PNLIP: variants seen among roughly 807,000 people sequenced by gnomAD.
PNLIP encodes pancreatic triacylglycerol lipase.
A neutral mutation model predicts 57.1 loss-of-function variants in PNLIP; 49 were observed. The ratio of observed to expected loss-of-function variants is 0.86; its 90% confidence interval spans 0.68 to 1.09. PNLIP has a LOEUF of 1.09. Ranked by LOEUF, PNLIP falls within the 50% of genes least tolerant of loss-of-function variation. PNLIP has a pLI of 0.00. For synonymous variants in PNLIP, 209 were observed against 200.4 expected (o/e 1.04, Z -0.36); for missense variants, 503 against 570.2 (o/e 0.88, Z 1.20).
At chr10:116,566,014 G>A (rs576240442) in intron 12 of PNLIP, among the ~76,000 whole-genome samples, 1 of 152,242 alleles carries the variant, frequency 6.6e-6, no homozygotes, top group South Asian at 2.1e-4. Context: ...TCGTCATGTT[G>A]GCCAGGCTGG....
intron 3 of PNLIP, 36 bp from the exon 4 acceptor site, chr10:116,548,324 A>G (rs578159581): frequency 6.2e-7 from 1 of 1,609,570 alleles, no homozygotes; most frequent in East Asian, 2.2e-5. Context: ...TGGCTACTAT[A>G]GGAAACTGAC....
chr10:116,551,290 C>A (rs1847189324), intron 5 of PNLIP, 58 bp downstream of exon 5: 318 of 543,060 alleles, frequency 5.9e-4, no homozygotes, highest in South Asian at 2.1e-3. Flanking sequence ...ATTATCTTTC[C>A]AAAAAAAAAA....
intron 5 of PNLIP, among the ~76,000 whole-genome samples, chr10:116,552,802 C>T (rs922085844): frequency 2.6e-5 from 4 of 151,998 alleles, no homozygotes; most frequent in African/African-American, 4.8e-5. Context: ...AGGAGAATGG[C>T]GTGAACCCGG....
chr10:116,548,426 A>C lies in PNLIP; in HGVS notation c.268A>C (p.Ile90Leu). ...CAAAACAAATAGAAAAACTCGCTTT[A>C]TTATTCATGGATTCATAGACAAGGG... is the stretch of plus-strand genomic sequence containing the variant. ...NFKTNRKTRF[I>L]IHGFIDKGEE... Residue 90 changes from isoleucine (I) to leucine (L), a missense_variant, in exon 4 of 13, where the codon ATT becomes CTT. Coordinates refer to ENST00000369221, the MANE Select transcript of PNLIP (RefSeq NM_000936.4). The C allele has an allele frequency of 6.2e-7, 1 of 1,614,120 alleles. No homozygotes were observed. Among genetic ancestry groups the C allele is most frequent in the South Asian group, 1.1e-5 (1 of 91,078 alleles).
At chr10:116,567,639 C>T in intron 12 of PNLIP, 96 bp from the exon 13 acceptor site, 6 of 991,350 alleles carry the variant, frequency 6.1e-6, no homozygotes, top group Non-Finnish European at 9.6e-6. Context: ...GCCCTTCCCT[C>T]AGACTAGGAG....
At chr10:116,560,550 C>CTT (rs753235094) in intron 11 of PNLIP, 26 bp downstream of exon 11, 7,284 of 502,552 alleles carry the variant, frequency 0.014, 3 homozygotes, top group South Asian at 0.035. Context: ...TTGCTCTATG[C>CTT]TTTTTTTTTT....
chr10:116,559,065 GA>G, intron 9 of PNLIP, 88 bp from the exon 10 acceptor site: 2 of 1,502,986 alleles, frequency 1.3e-6, no homozygotes, highest in Non-Finnish European at 1.8e-6. Context: ...ACTGGCTTTA[GA>G]ATATTTGAAT....
At chr10:116,551,714 C>T (rs563682914) in intron 5 of PNLIP, among the ~76,000 whole-genome samples, 2 of 152,330 alleles carry the variant, frequency 1.3e-5, no homozygotes, top group African/African-American at 4.8e-5. Context: ...TGGATAACAA[C>T]TCTTCATGTT....
At position 116,555,223 on chromosome 10, in the gene PNLIP, T is replaced by A; in HGVS notation, c.617T>A (p.Val206Asp). 6.2e-7 allele frequency: 1 copy of A among 1,614,166 alleles called. No individual in the cohort carries two copies. Among genetic ancestry groups the A allele is most frequent in the South Asian group, 1.1e-5 (1 of 91,076 alleles). ...EPCFQGTPELVRLDPSDAKFV... is the reference protein window; with the variant it reads ...EPCFQGTPELDRLDPSDAKFV... ...TGCTTTCAGGGCACACCTGAATTAGTCCGATTGGACCCCAGCGATGCCAAA... is the reference window on the plus strand; with the variant it reads ...TGCTTTCAGGGCACACCTGAATTAGACCGATTGGACCCCAGCGATGCCAAA... Residue 206 changes from valine (V) to aspartate (D), a missense_variant, in exon 7 of 13, where the codon GTC becomes GAC. Val to Asp is a radical substitution (Grantham distance 152). Transcript: ENST00000369221.
intron 6 of PNLIP, among the ~76,000 whole-genome samples, chr10:116,554,463 A>T (rs555069540): frequency 5.9e-5 from 9 of 152,304 alleles, no homozygotes; most frequent in African/African-American, 1.9e-4. Flanking sequence ...AACGAATAGT[A>T]TTTTACAAAC....
chr10:116,548,570 G>T, intron 4 of PNLIP, 88 bp downstream of exon 4: 1 of 1,392,830 alleles, frequency 7.2e-7, no homozygotes. Context: ...AATGAGGACA[G>T]TGCTTGGAGG....
chr10:116,566,005 C>T (rs1003810364), intron 12 of PNLIP, among the ~76,000 whole-genome samples: 20 of 152,258 alleles, frequency 1.3e-4, no homozygotes, highest in African/African-American at 4.3e-4. Context: ...GACTGGTTTT[C>T]GTCATGTTGG....
rs768563820 is a variant in PNLIP, at chr10:116,551,083, T to C, written c.325-15T>C. 1.3e-6 allele frequency: 2 copies of C among 1,562,464 alleles called. No individual in the cohort carries two copies. Among genetic ancestry groups the C allele is most frequent in the Non-Finnish European group, 1.7e-6 (2 of 1,152,900 alleles). ...TCCTGAATTATTTATCTGTTTATTG[T>C]GCCCCTTCCACCAGAATCTGTTCAA... On this transcript the variant is annotated splice_polypyrimidine_tract_variant and intron_variant, in intron 4 of 12. Coordinates refer to ENST00000369221, the MANE Select transcript of PNLIP (RefSeq NM_000936.4).
chr10:116,554,093 C>T (rs867111468), intron 6 of PNLIP, among the ~76,000 whole-genome samples: 9 of 152,148 alleles, frequency 5.9e-5, no homozygotes, highest in African/African-American at 1.9e-4. Context: ...GATCAGAAAT[C>T]GCTGTTCTGA....
intron 2 of PNLIP, among the ~76,000 whole-genome samples, chr10:116,547,002 C>T (rs1470368671): frequency 1.3e-5 from 2 of 152,130 alleles, no homozygotes; most frequent in African/African-American, 4.8e-5. Flanking sequence ...GCACCTATAG[C>T]CCAAGGAAGA....
chr10:116,550,975 C>A, intron 4 of PNLIP, 123 bp from the exon 5 acceptor site: 1 of 720,884 alleles, frequency 1.4e-6, no homozygotes, highest in Non-Finnish European at 2.1e-6. Context: ...TTGTCAATTG[C>A]ATTAGGGTTA....
chr10:116,546,060 G>T, intron 1 of PNLIP, 33 bp from the exon 2 acceptor site: 1 of 1,608,034 alleles, frequency 6.2e-7, no homozygotes, highest in Non-Finnish European at 8.5e-7. Flanking sequence ...TAAAAACTTA[G>T]CCAGACTCAA....
At chr10:116,556,913 GCTGAATAT>G (rs1444572646) in intron 9 of PNLIP, among the ~76,000 whole-genome samples, 2 of 152,188 alleles carry the variant, frequency 1.3e-5, no homozygotes, top group East Asian at 3.8e-4. Flanking sequence ...CCATTAAATA[GCTGAATAT>G]CTTTGGGCAA....
rs552881589 is a variant in PNLIP, at chr10:116,566,439, G to A, written c.1335-1296G>A. 2.6e-5 allele frequency among the ~76,000 whole-genome samples: 4 copies of A among 152,240 alleles called. No homozygotes were observed. In the South Asian group the frequency reaches 8.3e-4, roughly 32 times the overall value. ...AATGGGAAGAAGCAATTACAAAGAG[G>A]AAGAAAGAAAATTGGGGGATGATAG... On this transcript the variant is annotated intron_variant, in intron 12 of 12. Coordinates refer to ENST00000369221, the MANE Select transcript of PNLIP (RefSeq NM_000936.4).
Sources: gnomAD v4.1 joint callset for allele counts (sites outside exome capture counted in the v4.1 genomes callset) on GRCh38, gnomAD v4.1.1 for gene constraint, MANE v1.5 for transcripts, NCBI Gene and HGNC (gene_info 2026-07-23, HGNC 2026-07-21) for gene names.